The following UBR1 variants were observed in gnomAD, a reference collection of about 807,000 sequenced individuals.
UBR1 encodes E3 ubiquitin-protein ligase UBR1.
A neutral mutation model predicts 242.1 loss-of-function variants in UBR1; 102 were observed. The observed-to-expected ratio is 0.42, with a 90% confidence interval of 0.36 to 0.50. The LOEUF (loss-of-function observed/expected upper bound fraction) is 0.50. UBR1 is among the 20% of genes least tolerant of loss of function. The pLI, the probability that UBR1 is intolerant of heterozygous loss-of-function variation, is 0.01. For synonymous variants in UBR1, 675 were observed against 684.8 expected (o/e 0.99, Z 0.22); for missense variants, 1,772 against 2,101.8 (o/e 0.84, Z 3.07).
chr15:43,004,985 A>C (rs6493074), intron 30 of UBR1, among the ~76,000 whole-genome samples: 130,186 of 150,754 alleles, frequency 0.86, 56,199 homozygotes, highest in South Asian at 0.91. Context: ...CACCTCTGCC[A>C]CGCCGCCCCA....
rs1220946411 is a variant in UBR1 at position 43,021,387 on chromosome 15, C to T, written c.2840-12G>A. 3.1e-6 allele frequency: 5 copies of T among 1,608,116 alleles called. No individual in the cohort carries two copies. The highest frequency in any genetic ancestry group is 1.3e-5 in the African/African-American group (1 of 74,770). ...TGAACTTCCCAATCCTTTTTTAAAACACAAAATCACACATCATAAATACAT... is the reference window on the plus strand; with the variant it reads ...TGAACTTCCCAATCCTTTTTTAAAATACAAAATCACACATCATAAATACAT... On this transcript the variant is annotated splice_polypyrimidine_tract_variant and intron_variant, in intron 26 of 46. Transcript: ENST00000290650.
chr15:43,006,080 T>G (rs1596097044), intron 30 of UBR1, among the ~76,000 whole-genome samples: 1 of 96,566 alleles, frequency 1.0e-5, no homozygotes, highest in Admixed American at 1.2e-4. Context: ...CCAAGAATGA[T>G]CAATAAATAC....
rs184639600 is a variant in UBR1, at chr15:43,042,622, G to A, written c.1849+593C>T. 8.2e-4 allele frequency among the ~76,000 whole-genome samples: 125 copies of A among 152,244 alleles called. 1 individual carries two copies. The highest frequency in any genetic ancestry group is 2.8e-3 in the African/African-American group (118 of 41,550). On this transcript the variant is annotated intron_variant, in intron 15 of 46. Transcript: ENST00000290650. ...ATGCTTAGAAGATAAAAAGCTTTTGGAGAAGGATGGTGGTGATGGTTGTAG... is the reference window on the plus strand; with the variant it reads ...ATGCTTAGAAGATAAAAAGCTTTTGAAGAAGGATGGTGGTGATGGTTGTAG...
chr15:43,060,131 G>T lies in UBR1; in HGVS notation c.799-17C>A, dbSNP rs2033665338. On this transcript the variant is annotated splice_polypyrimidine_tract_variant and intron_variant, in intron 6 of 46. Coordinates refer to ENST00000290650, the MANE Select transcript of UBR1 (RefSeq NM_174916.3). ...CCGACGACCCTAATTATAGACAAAA[G>T]TGAGAATTAGGTAGTGAAATGATAA... is the stretch of plus-strand genomic sequence containing the variant. 2 of 1,612,280 alleles carry T rather than the reference G, an allele frequency of 1.2e-6. No homozygotes were observed. The highest frequency in any genetic ancestry group is 2.7e-5 in the African/African-American group (2 of 74,998).
chr15:42,994,381 CAAAAAAAA>C (rs72106180), intron 33 of UBR1, among the ~76,000 whole-genome samples: 6 of 91,914 alleles, frequency 6.5e-5, no homozygotes, highest in East Asian at 3.0e-4. Context: ...GACGCTGTCT[CAAAAAAAA>C]AAAAAAAAAA....
intron 37 of UBR1, among the ~76,000 whole-genome samples, chr15:42,983,534 G>A (rs1296288961): frequency 1.3e-5 from 2 of 151,388 alleles, no homozygotes; most frequent in Non-Finnish European, 2.9e-5. Flanking sequence ...GCGTGGTTGC[G>A]GGCACCTGTA....
intron 29 of UBR1, among the ~76,000 whole-genome samples, chr15:43,008,090 C>T (rs1314578823): frequency 6.6e-6 from 1 of 152,248 alleles, no homozygotes; most frequent in East Asian, 1.9e-4. Flanking sequence ...TTACTCAATC[C>T]TTACAATAAT....
chr15:43,001,837 G>A (rs1238614813), intron 32 of UBR1, among the ~76,000 whole-genome samples: 1 of 152,024 alleles, frequency 6.6e-6, no homozygotes, highest in Non-Finnish European at 1.5e-5. Flanking sequence ...TATCTCTAGA[G>A]CTATAGCATT....
In UBR1 at chr15:43,017,092, T is replaced by C; in HGVS notation, c.3027+3A>G. ...TTACTACAGTGTTATTACAGTGTCA[T>C]ACCTCATCATTCTTAATAGATTCCG... On this transcript the variant is annotated splice_donor_region_variant and intron_variant, in intron 28 of 46. Coordinates refer to ENST00000290650, the MANE Select transcript of UBR1 (RefSeq NM_174916.3). 6.2e-7 allele frequency: 1 copy of C among 1,608,180 alleles called. No individual in the cohort carries two copies. Among genetic ancestry groups the C allele is most frequent in the Non-Finnish European group, 8.5e-7 (1 of 1,174,784 alleles).
In UBR1 at chr15:43,043,376, G is replaced by A; in HGVS notation, c.1688C>T (p.Ala563Val). Residue 563 changes from alanine to valine, a missense_variant, in exon 15 of 47, where the codon GCT becomes GTT. Transcript: ENST00000290650. ...CACDEELLLV[A>V]YKECHKAVMR... ...CACAGCTTTGTGACATTCTTTATAA[G>A]CCACAAGTAAGAGTTCTTCCTAAGA... 2 of 1,613,762 alleles carry A rather than the reference G, an allele frequency of 1.2e-6. No homozygotes were observed. Among genetic ancestry groups the A allele is most frequent in the Non-Finnish European group, 1.7e-6 (2 of 1,179,972 alleles).
At chr15:43,021,449 A>G in intron 26 of UBR1, 74 bp from the exon 27 acceptor site, 1 of 1,409,724 alleles carries the variant, frequency 7.1e-7, no homozygotes, top group Non-Finnish European at 1.0e-6. Flanking sequence ...AATTGGTTTC[A>G]GGACCCCTGT....
chr15:42,962,359 G>A (rs979588871), intron 42 of UBR1, among the ~76,000 whole-genome samples: 8 of 152,176 alleles, frequency 5.3e-5, no homozygotes, highest in African/African-American at 1.9e-4. Context: ...ATGGAGCCCA[G>A]AGGCTAGGGA....
At chr15:43,087,594 T>C (rs933506745) in intron 1 of UBR1, among the ~76,000 whole-genome samples, 10 of 152,246 alleles carry the variant, frequency 6.6e-5, no homozygotes, top group African/African-American at 2.4e-4. Context: ...TTATGGAAAA[T>C]ATGTTTAGAT....
chr15:43,005,578 C>T (rs1017766209), intron 30 of UBR1, among the ~76,000 whole-genome samples: 8 of 151,908 alleles, frequency 5.3e-5, no homozygotes, highest in Admixed American at 3.3e-4. Context: ...GCCACCACCC[C>T]GTCTGGGAGG....
intron 21 of UBR1, 140 bp from the exon 22 acceptor site, chr15:43,027,968 T>C (rs1045497283): frequency 2.5e-6 from 2 of 784,346 alleles, no homozygotes; most frequent in African/African-American, 3.5e-5. Context: ...ATTAAAAAAT[T>C]AGGTCTAAAA....
At chr15:43,082,778 G>T in intron 2 of UBR1, 62 bp from the exon 3 acceptor site, 1 of 1,217,394 alleles carries the variant, frequency 8.2e-7, no homozygotes, top group Non-Finnish European at 1.2e-6. Context: ...CTCAAGGTAT[G>T]ACTATAATAC....
intron 35 of UBR1, among the ~76,000 whole-genome samples, chr15:42,986,155 T>C (rs529689673): frequency 6.6e-6 from 1 of 152,294 alleles, no homozygotes; most frequent in South Asian, 2.1e-4. Flanking sequence ...CATCTTTGCA[T>C]AAACAGTAAT....
intron 39 of UBR1, among the ~76,000 whole-genome samples, chr15:42,973,895 T>G (rs1179010159): frequency 1.4e-5 from 2 of 147,418 alleles, no homozygotes; most frequent in Non-Finnish European, 3.0e-5. Flanking sequence ...GTTTTTTTTT[T>G]TTTTTTTTTT....
chr15:42,985,070 C>T, intron 35 of UBR1, 128 bp from the exon 36 acceptor site: 1 of 810,654 alleles, frequency 1.2e-6, no homozygotes, highest in East Asian at 3.0e-5. Context: ...CCTTCAAAGT[C>T]TTGTGTTTTA....
Sources: allele counts gnomAD v4.1 joint callset (sites outside exome capture counted in the v4.1 genomes callset), GRCh38; gene constraint gnomAD v4.1.1; transcripts MANE v1.5; gene names NCBI Gene and HGNC (gene_info 2026-07-23, HGNC 2026-07-21).